TTC4: variants seen among roughly 807,000 people sequenced by gnomAD.
The protein encoded by TTC4 is hsp70/Hsp90 co-chaperone CNS1 homolog.
A neutral mutation model predicts 51.9 loss-of-function variants in TTC4; 36 were observed. That is an observed-to-expected ratio of 0.69 (90% CI 0.53 to 0.92). The LOEUF (loss-of-function observed/expected upper bound fraction) is 0.92. TTC4 is among the 40% of genes least tolerant of loss of function. TTC4 has a pLI of 0.00. For missense variants in TTC4, 399 were observed against 454.6 expected (o/e 0.88, Z 1.11); for synonymous variants, 144 against 164.2 (o/e 0.88, Z 0.94).
chr1:54,738,681 G>A (rs1645976856), intron 9 of TTC4, among the ~76,000 whole-genome samples: 1 of 117,012 alleles, frequency 8.5e-6, no homozygotes, highest in Non-Finnish European at 1.7e-5. Context: ...TTTTTGAGAC[G>A]ACATCTCGCT....
intron 5 of TTC4, among the ~76,000 whole-genome samples, chr1:54,724,971 T>C (rs2101319400): frequency 6.6e-6 from 1 of 152,304 alleles, no homozygotes; most frequent in East Asian, 1.9e-4. Context: ...CTTTGTGACA[T>C]TTTAACTTGC....
chr1:54,736,239 GAA>G lies in TTC4; in HGVS notation c.979-1342_979-1341del, dbSNP rs1557753092. Reference sequence around the variant, plus strand: ...GAGAGAGAGAAGAGGAGAGGAGAGAGAAGAGAGGAGAGAGGAGAGAGAGAGAG... The same window carrying G: ...GAGAGAGAGAAGAGGAGAGGAGAGAGGAGAGGAGAGAGGAGAGAGAGAGAG... On this transcript the variant is annotated intron_variant, in intron 8 of 9. Transcript: ENST00000371281. Among the ~76,000 whole-genome samples, 63 of 119,190 alleles carry G rather than the reference GAA, an allele frequency of 5.3e-4. 3 individuals are homozygous for G. Among genetic ancestry groups the G allele is most frequent in the African/African-American group, 2.5e-3 (56 of 22,558 alleles). The allele number at this position is 119,190 out of a possible 152,430, so 78.2% of individuals were successfully genotyped here. A position where few individuals can be genotyped will look rare whatever the true frequency, so the allele number is the denominator to read the frequency against.
chr1:54,720,544 TAA>T (rs1490050692), intron 3 of TTC4, among the ~76,000 whole-genome samples: 2 of 151,454 alleles, frequency 1.3e-5, no homozygotes, highest in African/African-American at 4.9e-5. Flanking sequence ...AACCACCACT[TAA>T]AACAATATAG....
intron 3 of TTC4, 76 bp downstream of exon 3, chr1:54,717,729 TC>T (rs1645693477): frequency 7.5e-7 from 1 of 1,325,080 alleles, no homozygotes; most frequent in Middle Eastern, 2.1e-4. Context: ...TTTGAGAACA[TC>T]AGAGGATGAG....
chr1:54,734,328 T>C (rs933079573), intron 8 of TTC4, among the ~76,000 whole-genome samples: 57 of 152,128 alleles, frequency 3.7e-4, no homozygotes, highest in Non-Finnish European at 7.4e-5. Flanking sequence ...CACCTCCGCC[T>C]TTCAAAGTGC....
Position 54,717,630 on chromosome 1 carries a change from G to C in TTC4, c.368G>C (p.Arg123Pro), listed in dbSNP as rs752515558. The change falls in exon 3 of 10, where the codon CGG becomes CCG. Residue 123 changes from arginine to proline, a missense_variant. Physicochemically the swap from Arg to Pro is moderately radical, Grantham distance 103 (BLOSUM62 -2). This residue lies in a region of TTC4 where 316 missense variants were observed against 349.6 expected (regional missense o/e 0.90). Coordinates refer to ENST00000371281, the MANE Select transcript of TTC4 (RefSeq NM_004623.5). Reference protein sequence around the residue: ...PDLNAVLYTNRAAAQYYLGNF... With the variant: ...PDLNAVLYTNPAAAQYYLGNF... ...TTGAATGCTGTCCTTTATACCAACC[G>C]GGCAGCAGCACAGTACTATCTGGGT... The C allele has an allele frequency of 1.9e-6, 3 of 1,605,130 alleles. No homozygotes were observed. Among genetic ancestry groups the C allele is most frequent in the Non-Finnish European group, 1.7e-6 (2 of 1,176,736 alleles).
chr1:54,727,068 A>C (rs557973511), intron 5 of TTC4, among the ~76,000 whole-genome samples: 7,619 of 150,932 alleles, frequency 0.05, 217 homozygotes, highest in South Asian at 0.075. Flanking sequence ...AAAAAAAAAA[A>C]AAACAAAATT....
rs769174175 is a variant in TTC4, at chr1:54,731,486, G to C, written c.682G>C (p.Ala228Pro). 5.0e-6 allele frequency: 8 copies of C among 1,613,852 alleles called. 1 individual carries two copies. The South Asian group carries it at 7.7e-5, about 16-fold the overall frequency. ...QNEALLQAIKARNIRLSEAAC... is the reference protein window; with the variant it reads ...QNEALLQAIKPRNIRLSEAAC... ...GTGTGTGTTTCTGTCTTTAACCCAG[G>C]CTAGGAATATCAGGCTCTCAGAAGC... The change falls in exon 7 of 10, where the codon GCT becomes CCT. Residue 228 changes from alanine to proline, a missense_variant and splice_region_variant. Ala to Pro is a conservative substitution (Grantham distance 27, BLOSUM62 -1). This residue lies in a region of TTC4 where 316 missense variants were observed against 349.6 expected (regional missense o/e 0.90). Coordinates refer to ENST00000371281, the MANE Select transcript of TTC4 (RefSeq NM_004623.5).
chr1:54,721,308 G>A (rs1645741172), intron 4 of TTC4, 68 bp downstream of exon 4: 2 of 1,514,232 alleles, frequency 1.3e-6, no homozygotes, highest in Non-Finnish European at 1.8e-6. Context: ...TACTAATAAA[G>A]TCATCTTATT....
chr1:54,730,998 C>A (rs1645859137), intron 6 of TTC4, among the ~76,000 whole-genome samples: 1 of 152,134 alleles, frequency 6.6e-6, no homozygotes, highest in South Asian at 2.1e-4. Context: ...CCACTTCTTA[C>A]CTTATATCAT....
chr1:54,738,688 C>T (rs1444272130), intron 9 of TTC4, among the ~76,000 whole-genome samples: 4 of 140,720 alleles, frequency 2.8e-5, no homozygotes, highest in East Asian at 2.0e-4. Context: ...GACGACATCT[C>T]GCTCTGTCAC....
intron 2 of TTC4, 151 bp downstream of exon 2, chr1:54,716,868 T>A: frequency 1.5e-6 from 1 of 657,808 alleles, no homozygotes; most frequent in Non-Finnish European, 2.6e-6. Context: ...ACCTACTAAG[T>A]GGTAAGGACT....
chr1:54,722,574 AG>A (rs1645754758), intron 4 of TTC4, 100 bp from the exon 5 acceptor site: 24 of 1,532,272 alleles, frequency 1.6e-5, no homozygotes, highest in Middle Eastern at 2.2e-4. Flanking sequence ...TTTTGCCTTC[AG>A]GGTACTGGCT....
chr1:54,724,273 T>C (rs1337847826), intron 5 of TTC4, among the ~76,000 whole-genome samples: 4 of 151,834 alleles, frequency 2.6e-5, no homozygotes, highest in Admixed American at 2.6e-4. Context: ...TTTTTCTTTT[T>C]TTTTTTTCAT....
At chr1:54,734,094 C>T (rs374205491) in intron 8 of TTC4, among the ~76,000 whole-genome samples, 7 of 152,036 alleles carry the variant, frequency 4.6e-5, no homozygotes, top group South Asian at 2.1e-4. Context: ...ATTTTTGAGA[C>T]GGAGTCTCGC....
rs1176432875 is a variant in TTC4 at position 54,736,222 on chromosome 1, GA to G, written c.979-1358del. 3.2e-3 allele frequency among the ~76,000 whole-genome samples: 386 copies of G among 120,184 alleles called. 26 individuals carry two copies. The highest frequency in any genetic ancestry group is 0.011 in the African/African-American group (330 of 29,574). The allele number at this position is 120,184 out of a possible 152,430, so 78.8% of individuals were successfully genotyped here. A position where few individuals can be genotyped will look rare whatever the true frequency, so the allele number is the denominator to read the frequency against. On this transcript the variant is annotated intron_variant, in intron 8 of 9. Coordinates refer to ENST00000371281, the MANE Select transcript of TTC4 (RefSeq NM_004623.5). The stretch of plus-strand genomic sequence containing the variant: ...AGAGAGAGAGAGAGAGAGAGAGAGA[GA>G]AGAGGAGAGGAGAGAGAAGAGAGGA...
intron 9 of TTC4, among the ~76,000 whole-genome samples, chr1:54,738,862 C>T (rs981123098): frequency 6.6e-6 from 1 of 151,830 alleles, no homozygotes; most frequent in Non-Finnish European, 1.5e-5. Flanking sequence ...GGGGTTTCAC[C>T]ATGTTGTCCA....
At chr1:54,737,405 T>C (rs891714870) in intron 8 of TTC4, 177 bp from the exon 9 acceptor site, 1 of 569,440 alleles carries the variant, frequency 1.8e-6, no homozygotes, top group African/African-American at 1.9e-5. Context: ...GATAATAGCC[T>C]CTTTTACAGT....
rs1044376967 is a variant in TTC4 at position 54,741,651 on chromosome 1, G to T, written c.*138G>T. On this transcript the variant is annotated 3_prime_UTR_variant, in exon 10 of 10. Coordinates refer to ENST00000371281, the MANE Select transcript of TTC4 (RefSeq NM_004623.5). The stretch of plus-strand genomic sequence containing the variant: ...GGATAGTCCTTCCTGGCATCGTGGT[G>T]GGGGAGGAGCCTCTGGCTTCCCTAA... 9.5e-5 allele frequency: 68 copies of T among 714,638 alleles called. No individual in the cohort carries two copies. The highest frequency in any genetic ancestry group is 3.9e-4 in the Middle Eastern group (1 of 2,590). 44.3% of individuals were successfully genotyped at this position (714,638 alleles called of 1,614,324 possible).
Sources: allele counts gnomAD v4.1 joint callset (sites outside exome capture counted in the v4.1 genomes callset), GRCh38; gene constraint gnomAD v4.1.1; regional missense constraint gnomAD v4.1.1; transcripts MANE v1.5; gene names NCBI Gene and HGNC (gene_info 2026-07-23, HGNC 2026-07-21).